The following VPS13B variants were observed in gnomAD, a reference collection of about 807,000 sequenced individuals.
The protein encoded by VPS13B is intermembrane lipid transfer protein VPS13B.
In VPS13B, 285 loss-of-function variants were observed where a neutral mutation model predicts 426.4. That is an observed-to-expected ratio of 0.67 (90% CI 0.61 to 0.74). VPS13B has a LOEUF of 0.74. Ranked by LOEUF, VPS13B falls within the 30% of genes least tolerant of loss-of-function variation. The probability of loss-of-function intolerance (pLI) is 0.00; values close to 1 mark genes in which losing one functional copy is unlikely to be tolerated. For missense variants in VPS13B, 4,537 were observed against 4,782.6 expected, an observed-to-expected ratio of 0.95 and a Z score of 1.51; for synonymous variants, 1,676 against 1,676.4, an observed-to-expected ratio of 1.00 and a Z score of 0.01.
chr8:99,429,143 G>A (rs1041217205), intron 21 of VPS13B, among the ~76,000 whole-genome samples: 2 of 151,960 alleles, frequency 1.3e-5, no homozygotes, highest in Non-Finnish European at 1.5e-5. Context: ...GGTGTGGGGA[G>A]TGGGGAGGGA....
chr8:99,859,553 A>G (rs1419610226), intron 57 of VPS13B, 73 bp downstream of exon 57: 78 of 1,573,700 alleles, frequency 5.0e-5, no homozygotes, highest in Non-Finnish European at 6.5e-5. Context: ...AATGTGCTAA[A>G]GTTTTAAATG....
At chr8:99,112,994 T>G (rs1847448549) in intron 6 of VPS13B, among the ~76,000 whole-genome samples, 1 of 152,038 alleles carries the variant, frequency 6.6e-6, no homozygotes, top group Non-Finnish European at 1.5e-5. Context: ...TTTTATTTCT[T>G]TCTTCTTTTC....
chr8:99,819,952 A>G lies in VPS13B; in HGVS notation c.8824A>G (p.Met2942Val), dbSNP rs752484886. 8.7e-6 allele frequency: 14 copies of G among 1,613,906 alleles called. No homozygotes were observed. Among genetic ancestry groups the G allele is most frequent in the South Asian group, 6.6e-5 (6 of 91,080 alleles). ...ACAGCTAAGTCAGTGGGATAGCCCA[A>G]TGCGAGTGAAGCTGTCAATCTGGAA... ...NEQLSQWDSP[M>V]RVKLSIWKPY... The change falls in exon 49 of 62, where the codon ATG becomes GTG. Residue 2942 changes from methionine (M) to valine (V), a missense_variant. Physicochemically the swap from Met to Val is conservative, Grantham distance 21. Coordinates refer to ENST00000357162, the MANE Select transcript of VPS13B (RefSeq NM_152564.5).
At chr8:99,613,078 G>A (rs970347411) in intron 33 of VPS13B, among the ~76,000 whole-genome samples, 2 of 151,900 alleles carry the variant, frequency 1.3e-5, no homozygotes, top group Non-Finnish European at 2.9e-5. Context: ...CTTTATACTT[G>A]TTTATAATTA....
At chr8:99,291,224 A>T (rs1021726017) in intron 19 of VPS13B, among the ~76,000 whole-genome samples, 5 of 152,120 alleles carry the variant, frequency 3.3e-5, no homozygotes, top group African/African-American at 1.2e-4. Flanking sequence ...AGCACCCAGG[A>T]TGTGGATTTG....
At chr8:99,609,587 C>T (rs1280634301) in intron 33 of VPS13B, among the ~76,000 whole-genome samples, 5 of 152,126 alleles carry the variant, frequency 3.3e-5, no homozygotes, top group Non-Finnish European at 5.9e-5. Context: ...GTTAGTACAG[C>T]TTGCAGTTTA....
intron 23 of VPS13B, among the ~76,000 whole-genome samples, chr8:99,452,537 A>T (rs538540099): frequency 6.6e-6 from 1 of 152,280 alleles, no homozygotes; most frequent in South Asian, 2.1e-4. Flanking sequence ...CAAGTTATTC[A>T]TGGTAAATCG....
intron 33 of VPS13B, among the ~76,000 whole-genome samples, chr8:99,629,649 A>G (rs781308180): frequency 7.2e-5 from 11 of 152,206 alleles, no homozygotes; most frequent in Non-Finnish European, 1.2e-4. Flanking sequence ...GTGAAGTTCC[A>G]GAATGGAGAC....
intron 3 of VPS13B, among the ~76,000 whole-genome samples, chr8:99,060,110 CAA>C (rs1844101184): frequency 6.6e-6 from 1 of 152,074 alleles, no homozygotes; most frequent in Non-Finnish European, 1.5e-5. Context: ...AAAAAAACTA[CAA>C]ACCACACACT....
Position 99,544,472 on chromosome 8 carries a change from A to T in VPS13B, c.4746-11978A>T, listed in dbSNP as rs553601514. Among the ~76,000 whole-genome samples, 158 of 152,258 alleles carry T rather than the reference A, an allele frequency of 1.0e-3. 1 individual carries two copies. The highest frequency in any genetic ancestry group is 3.6e-3 in the African/African-American group (150 of 41,548). Reference sequence around the variant, plus strand: ...AAAACTTAAGGTATAATAATAATAAAAAAAATTCAGAAGTATTTACTGAAT... The same window carrying T: ...AAAACTTAAGGTATAATAATAATAATAAAAATTCAGAAGTATTTACTGAAT... On this transcript the variant is annotated intron_variant, in intron 30 of 61. Transcript: ENST00000357162.
At chr8:99,065,868 A>G (rs989234868) in intron 3 of VPS13B, among the ~76,000 whole-genome samples, 2 of 152,258 alleles carry the variant, frequency 1.3e-5, no homozygotes, top group African/African-American at 4.8e-5. Context: ...AATAACAGAC[A>G]GAGAGCCAAA....
chr8:99,135,078 T>A lies in VPS13B; in HGVS notation c.1366T>A (p.Cys456Ser). 1 of 1,613,666 alleles carries A rather than the reference T, an allele frequency of 6.2e-7. No individual in the cohort carries two copies. Among genetic ancestry groups the A allele is most frequent in the Non-Finnish European group, 8.5e-7 (1 of 1,179,656 alleles). ...TGGGTTTGTTGGTTGCAGAGCCATGTGCCTTAAAGGAATTATGGGTGTTAA... is the reference window on the plus strand; with the variant it reads ...TGGGTTTGTTGGTTGCAGAGCCATGAGCCTTAAAGGAATTATGGGTGTTAA... ...QIGFVGCRAM[C>S]LKGIMGVKDF... Residue 456 changes from cysteine (C) to serine (S), a missense_variant, in exon 10 of 62, where the codon TGC (cysteine) becomes AGC (serine). Cys to Ser is a moderately radical substitution (Grantham distance 112, BLOSUM62 -1). This residue lies in a region of VPS13B where 4,311 missense variants were observed against 4,474.3 expected (regional missense o/e 0.96). Transcript: ENST00000357162.
At chr8:99,246,056 CT>C (rs1448758534) in intron 17 of VPS13B, among the ~76,000 whole-genome samples, 1 of 152,198 alleles carries the variant, frequency 6.6e-6, no homozygotes, top group Non-Finnish European at 1.5e-5. Flanking sequence ...CTGTGTCTCG[CT>C]TTCTCAACCA....
chr8:99,641,474 A>G (rs1329800056), intron 33 of VPS13B, among the ~76,000 whole-genome samples: 1 of 152,232 alleles, frequency 6.6e-6, no homozygotes, highest in Non-Finnish European at 1.5e-5. Context: ...AAATCACTAT[A>G]AAAGTATGTA....
At chr8:99,058,933 C>A (rs561736686) in intron 3 of VPS13B, among the ~76,000 whole-genome samples, 2 of 152,284 alleles carry the variant, frequency 1.3e-5, no homozygotes, top group South Asian at 4.1e-4. Flanking sequence ...GTAATTAGAT[C>A]TCACTGAAGG....
chr8:99,257,507 A>C (rs1817809313), intron 17 of VPS13B, among the ~76,000 whole-genome samples: 1 of 152,162 alleles, frequency 6.6e-6, no homozygotes, highest in Non-Finnish European at 1.5e-5. Flanking sequence ...TTTTTATTCC[A>C]GTGTGTTCTT....
intron 33 of VPS13B, among the ~76,000 whole-genome samples, chr8:99,601,643 A>T (rs1285440273): frequency 6.6e-6 from 1 of 152,130 alleles, no homozygotes; most frequent in Non-Finnish European, 1.5e-5. Flanking sequence ...CTATTTCTCC[A>T]CATCCTCCAC....
At chr8:99,617,669 A>G (rs1828154988) in intron 33 of VPS13B, among the ~76,000 whole-genome samples, 1 of 152,204 alleles carries the variant, frequency 6.6e-6, no homozygotes, top group African/African-American at 2.4e-5. Flanking sequence ...GTTTTAACAC[A>G]TAACTTGCTT....
At chr8:99,360,172 T>TTCTTTCTC (rs1812450575) in intron 19 of VPS13B, among the ~76,000 whole-genome samples, 1 of 42,730 alleles carries the variant, frequency 2.3e-5, no homozygotes, top group African/African-American at 1.1e-4. Flanking sequence ...CTTTCTTTCT[T>TTCTTTCTC]TCTTTCTTTC....
Sources: allele counts gnomAD v4.1 joint callset (sites outside exome capture counted in the v4.1 genomes callset), GRCh38; gene constraint gnomAD v4.1.1; regional missense constraint gnomAD v4.1.1; transcripts MANE v1.5; gene names NCBI Gene and HGNC (gene_info 2026-07-23, HGNC 2026-07-21).